Variants in IGFBP7 observed in about 807,000 individuals in gnomAD.
IGFBP7 encodes insulin like growth factor binding protein 7, also known as insulin-like growth factor-binding protein 7.
Under a neutral mutation model 29.4 loss-of-function variants are expected in IGFBP7, and 31 were observed. The ratio of observed to expected loss-of-function variants is 1.05; its 90% CI spans 0.79 to 1.42. The LOEUF (loss-of-function observed/expected upper bound fraction) is 1.42, where lower values mean the gene tolerates loss of function less well. IGFBP7 is among the 40% of genes most tolerant of loss of function. The pLI is 0.00. For synonymous variants in IGFBP7, 172 were observed against 174.9 expected, an observed-to-expected ratio of 0.98 and a Z score of 0.13; for missense variants, 393 against 395.5, an observed-to-expected ratio of 0.99 and a Z score of 0.05.
intron 1 of IGFBP7, among the ~76,000 whole-genome samples, chr4:57,051,698 A>T (rs1724505765): frequency 2.0e-5 from 3 of 151,558 alleles, no homozygotes; most frequent in Admixed American, 2.0e-4. Flanking sequence ...CTGCTCTACC[A>T]CTCCTGAGTT....
At chr4:57,079,875 A>G (rs1195873579) in intron 1 of IGFBP7, among the ~76,000 whole-genome samples, 1 of 152,228 alleles carries the variant, frequency 6.6e-6, no homozygotes, top group African/African-American at 2.4e-5. Context: ...GTGCAGGCTC[A>G]TCCATATATT....
chr4:57,050,722 ATT>A (rs35769988), intron 1 of IGFBP7, among the ~76,000 whole-genome samples: 67 of 140,396 alleles, frequency 4.8e-4, no homozygotes, highest in Admixed American at 7.8e-4. Flanking sequence ...TTAAAAAAGA[ATT>A]TTTTTTTTTT....
chr4:57,041,424 A>G (rs1724224022), intron 1 of IGFBP7, among the ~76,000 whole-genome samples: 1 of 152,244 alleles, frequency 6.6e-6, no homozygotes, highest in Non-Finnish European at 1.5e-5. Context: ...TCTCTGCCTC[A>G]AGAAGCTTAG....
chr4:57,057,396 C>T (rs1724701133), intron 1 of IGFBP7, among the ~76,000 whole-genome samples: 2 of 152,196 alleles, frequency 1.3e-5, no homozygotes, highest in African/African-American at 4.8e-5. Context: ...GTCACGTGAA[C>T]CTGGGGCTTA....
intron 1 of IGFBP7, among the ~76,000 whole-genome samples, chr4:57,093,290 C>T (rs1290092884): frequency 6.6e-6 from 1 of 152,150 alleles, no homozygotes; most frequent in Admixed American, 6.5e-5. Flanking sequence ...CACTTGAGGT[C>T]AGGAGTTTGA....
chr4:57,074,667 T>C lies in IGFBP7; in HGVS notation c.476-33734A>G, dbSNP rs187245798. ...GCATCCTCTGCCTCTGTCCTATTTATACCATTTGAAAACCAAGCTCTTTTA... is the reference window on the plus strand; with the variant it reads ...GCATCCTCTGCCTCTGTCCTATTTACACCATTTGAAAACCAAGCTCTTTTA... On this transcript the variant is annotated intron_variant, in intron 1 of 4. Coordinates refer to ENST00000295666, the MANE Select transcript of IGFBP7 (RefSeq NM_001553.3). 1.2e-4 allele frequency among the ~76,000 whole-genome samples: 19 copies of C among 152,328 alleles called. No individual in the cohort carries two copies. In the East Asian group the frequency reaches 2.1e-3, roughly 17 times the overall value.
intron 1 of IGFBP7, among the ~76,000 whole-genome samples, chr4:57,060,176 A>C (rs911150965): frequency 6.6e-6 from 1 of 152,218 alleles, no homozygotes; most frequent in Non-Finnish European, 1.5e-5. Context: ...ATAAAAAATA[A>C]TCTCCTGGGC....
intron 1 of IGFBP7, among the ~76,000 whole-genome samples, chr4:57,100,071 C>CTTTTTTTTTT (rs10669251): frequency 1.0e-4 from 12 of 115,722 alleles, no homozygotes; most frequent in African/African-American, 3.4e-4. Context: ...TCTTTTCTTT[C>CTTTTTTTTTT]TTTTTTTTTT....
At chr4:57,101,293 A>T (rs1311984645) in intron 1 of IGFBP7, among the ~76,000 whole-genome samples, 1 of 152,166 alleles carries the variant, frequency 6.6e-6, no homozygotes, top group Non-Finnish European at 1.5e-5. Context: ...TTACTGTGGG[A>T]ACTTCATATC....
At chr4:57,103,656 T>TTTTC (rs1725953598) in intron 1 of IGFBP7, among the ~76,000 whole-genome samples, 2 of 55,562 alleles carry the variant, frequency 3.6e-5, no homozygotes, top group African/African-American at 1.4e-4. Context: ...TTTTTTTTTC[T>TTTTC]TTTCTTTTTT....
rs566500367 is a variant in IGFBP7 at position 57,031,050 on chromosome 4, T to G, written c.*267A>C. ...TGGTGTCTTGTTTCTATTGTGTGGC[T>G]TTTTAAAAATGACAAATATGTACTG... On this transcript the variant is annotated 3_prime_UTR_variant, in exon 5 of 5. Transcript: ENST00000295666. 2.9e-6 allele frequency: 3 copies of G among 1,051,210 alleles called. No individual in the cohort carries two copies. In the East Asian group the frequency reaches 7.1e-5, roughly 25 times the overall value. The allele number at this position is 1,051,210 out of a possible 1,614,324, so 65.1% of individuals were successfully genotyped here.
At chr4:57,103,423 C>T (rs539826994) in intron 1 of IGFBP7, among the ~76,000 whole-genome samples, 13 of 152,070 alleles carry the variant, frequency 8.5e-5, no homozygotes, top group Non-Finnish European at 1.5e-4. Flanking sequence ...AAACCTCATG[C>T]GAGTCCTTCT....
intron 1 of IGFBP7, among the ~76,000 whole-genome samples, chr4:57,047,117 T>C (rs13150483): frequency 0.18 from 27,111 of 152,140 alleles, 2,518 homozygotes; most frequent in South Asian, 0.22. Flanking sequence ...AAATCTCAAA[T>C]TGTAGCTCCC....
chr4:57,032,062 G>A (rs1723945089), intron 4 of IGFBP7: 2 of 201,578 alleles, frequency 9.9e-6, no homozygotes, highest in Non-Finnish European at 2.0e-5. Context: ...AGTGAAGGGC[G>A]AGAATTGCCC....
intron 1 of IGFBP7, among the ~76,000 whole-genome samples, chr4:57,103,035 C>T (rs1725934827): frequency 6.6e-6 from 1 of 152,118 alleles, no homozygotes; most frequent in Non-Finnish European, 1.5e-5. Flanking sequence ...TATGAGCAGT[C>T]ACCGAATAAG....
chr4:57,068,212 C>A lies in IGFBP7; in HGVS notation c.476-27279G>T, dbSNP rs140610363. ...GGCCGAGGTGGGAGAATCGCTTGAG[C>A]CTGGGAGGTGGAGGTTGCAGTGAGC... On this transcript the variant is annotated intron_variant, in intron 1 of 4. Coordinates refer to ENST00000295666, the MANE Select transcript of IGFBP7 (RefSeq NM_001553.3). Among the ~76,000 whole-genome samples, 57 of 151,484 alleles carry A rather than the reference C, an allele frequency of 3.8e-4. No individual in the cohort carries two copies. In the East Asian group the frequency reaches 7.0e-3, roughly 19 times the overall value.
At chr4:57,034,049 C>CAAAAAAAAAA (rs35304758) in intron 2 of IGFBP7, among the ~76,000 whole-genome samples, 2 of 96,510 alleles carry the variant, frequency 2.1e-5, no homozygotes, top group Non-Finnish European at 3.9e-5. Flanking sequence ...GACTCCATCT[C>CAAAAAAAAAA]AAAAAAAAAA....
chr4:57,058,584 T>A (rs796951195), intron 1 of IGFBP7, among the ~76,000 whole-genome samples: 1 of 152,108 alleles, frequency 6.6e-6, no homozygotes. Flanking sequence ...TTACACCATA[T>A]GAAAAAATTA....
intron 1 of IGFBP7, among the ~76,000 whole-genome samples, chr4:57,056,580 C>T (rs994082795): frequency 3.3e-5 from 5 of 152,186 alleles, no homozygotes; most frequent in African/African-American, 1.2e-4. Context: ...GGGGATGTCT[C>T]TCTGATCACA....
Sources: allele counts gnomAD v4.1 joint callset (sites outside exome capture counted in the v4.1 genomes callset), GRCh38; gene constraint gnomAD v4.1.1; transcripts MANE v1.5; gene names NCBI Gene and HGNC (gene_info 2026-07-23, HGNC 2026-07-21).